GPR132: variants seen among roughly 807,000 people sequenced by gnomAD.
GPR132 encodes G protein-coupled receptor 132, also known as probable G protein-coupled receptor 132.
GPR132 carries 4 observed loss-of-function variants against 1.9 expected under a neutral mutation model. The ratio of observed to expected loss-of-function variants is 2.13; its 90% confidence interval spans 1.05 to 4.87. The LOEUF (loss-of-function observed/expected upper bound fraction) is 4.87, where lower values mean the gene tolerates loss of function less well. Among genes scored for constraint, GPR132 ranks in the 30% most tolerant of loss-of-function variants. The probability of loss-of-function intolerance (pLI) is 0.01; values close to 1 mark genes in which losing one functional copy is unlikely to be tolerated. For synonymous variants in GPR132, 233 were observed against 234.2 expected (o/e 0.99, Z 0.05); for missense variants, 404 against 512.5 (o/e 0.79, Z 2.04).
rs1010844918 is a variant in GPR132, at chr14:105,050,699, C to A, written c.*295G>T. ...TCTGCCAGCAGGCGTGCTACCTGCCCACAGCCAAGGGAGCCAGCCAGGCAG... is the reference window on the plus strand; with the variant it reads ...TCTGCCAGCAGGCGTGCTACCTGCCAACAGCCAAGGGAGCCAGCCAGGCAG... On this transcript the variant is annotated 3_prime_UTR_variant, in exon 4 of 4. Coordinates refer to ENST00000329797, the MANE Select transcript of GPR132 (RefSeq NM_013345.4). The surrounding 1 kb of genome is among the most constrained non-coding windows in gnomAD (Gnocchi z 4.0). 2.1e-6 allele frequency: 1 copy of A among 476,580 alleles called. No individual in the cohort carries two copies. The highest frequency in any genetic ancestry group is 3.8e-6 in the Non-Finnish European group (1 of 264,056). 29.5% of individuals were successfully genotyped at this position (476,580 alleles called of 1,614,324 possible). A position where few individuals can be genotyped will look rare whatever the true frequency, so the allele number is the denominator to read the frequency against.
At chr14:105,057,312 G>T in intron 1 of GPR132, 32 bp from the exon 2 acceptor site, 1 of 677,008 alleles carries the variant, frequency 1.5e-6, no homozygotes, top group Non-Finnish European at 2.6e-6. Context: ...ATTGTTTTAG[G>T]GAAATCAGAT....
rs773502721 is a variant in GPR132, at chr14:105,056,034, C to T, written c.-614G>A. 70 of 553,792 alleles carry T rather than the reference C, an allele frequency of 1.3e-4. No homozygotes were observed. Among genetic ancestry groups the T allele is most frequent in the Non-Finnish European group, 1.5e-4 (65 of 435,444 alleles). The allele number at this position is 553,792 out of a possible 1,614,324, so 34.3% of individuals were successfully genotyped here. A position where few individuals can be genotyped will look rare whatever the true frequency, so the allele number is the denominator to read the frequency against. The stretch of plus-strand genomic sequence containing the variant: ...TCCGTCTCATCTCGTGGGGTGCCTC[C>T]GCGCTGTTCTCCACGGTGGTGGCGC... On this transcript the variant is annotated 5_prime_UTR_variant, in exon 3 of 4. Transcript: ENST00000329797. The surrounding 1 kb of genome is among the most constrained non-coding windows in gnomAD (Gnocchi z 6.0).
rs2140932415 is a variant in GPR132 at position 105,056,962 on chromosome 14, G to C, written c.-747+205C>G. Among the ~76,000 whole-genome samples the C allele has an allele frequency of 6.6e-6, 1 of 152,314 alleles. No homozygotes were observed. The highest frequency in any genetic ancestry group is 1.5e-5 in the Non-Finnish European group (1 of 68,028). On this transcript the variant is annotated intron_variant, in intron 2 of 3. Transcript: ENST00000329797. The surrounding 1 kb of genome is among the most constrained non-coding windows in gnomAD (Gnocchi z 6.0). ...CAACTATGCCCTCATTCCCGTTCCT[G>C]GCTTCCCAGAACTTCACGAAAGAAT...
chr14:105,058,641 G>T (rs1282959076), intron 1 of GPR132, among the ~76,000 whole-genome samples: 1 of 152,252 alleles, frequency 6.6e-6, no homozygotes, highest in African/African-American at 2.4e-5. Context: ...TCCCCTTCTA[G>T]GAATTTTTCC....
chr14:105,051,948 A>G lies in GPR132; in HGVS notation c.189T>C (p.Thr63=), dbSNP rs775881719. The change falls in exon 4 of 4, where the codon ACT becomes ACC. Residue 63 remains threonine, a synonymous_variant. Coordinates refer to ENST00000329797, the MANE Select transcript of GPR132 (RefSeq NM_013345.4). This position sits in a 1 kb window ranked among gnomAD's most constrained non-coding sequence, Gnocchi z 8.0. ...GTACCTGCAGCAGCGCCAGCCACGC[A>G]GTCAGGCAGTTGGCCGGCACCCCCA... The part of the protein sequence containing the change: ...CTLGVPANCL[T]AWLALLQVLQ... 6.2e-7 allele frequency: 1 copy of G among 1,613,446 alleles called. No homozygotes were observed. Among genetic ancestry groups the G allele is most frequent in the Non-Finnish European group, 8.5e-7 (1 of 1,179,794 alleles).
At position 105,064,159 on chromosome 14, in the gene GPR132, G is replaced by A. The variant is rs114397032; in HGVS notation, c.-861+1220C>T. 3.2e-3 allele frequency among the ~76,000 whole-genome samples: 484 copies of A among 152,168 alleles called. 2 individuals are homozygous for A. The highest frequency in any genetic ancestry group is 0.01 in the African/African-American group (435 of 41,526). ...TGGCTGGATTGCCTGTAATTTCTAAGCTGTTTCACGGTTGCTGGCCATTCC... is the reference window on the plus strand; with the variant it reads ...TGGCTGGATTGCCTGTAATTTCTAAACTGTTTCACGGTTGCTGGCCATTCC... On this transcript the variant is annotated intron_variant, in intron 1 of 3. Coordinates refer to ENST00000329797, the MANE Select transcript of GPR132 (RefSeq NM_013345.4).
At chr14:105,054,005 T>G (rs1843668848) in intron 3 of GPR132, 20 of 1,282,036 alleles carry the variant, frequency 1.6e-5, no homozygotes, top group Non-Finnish European at 2.0e-5. Context: ...ACGCAGGGTG[T>G]GCAGTGGTGT....
intron 1 of GPR132, among the ~76,000 whole-genome samples, chr14:105,062,895 CCTCT>C (rs1434806525): frequency 1.3e-5 from 2 of 150,990 alleles, no homozygotes; most frequent in Non-Finnish European, 2.9e-5. Context: ...TAACCCTCTC[CCTCT>C]CTCTCTTGCT....
At chr14:105,053,550 C>T (rs1886709368) in intron 3 of GPR132, among the ~76,000 whole-genome samples, 1 of 152,124 alleles carries the variant, frequency 6.6e-6, no homozygotes, top group Non-Finnish European at 1.5e-5. Flanking sequence ...TGGATTTGTC[C>T]ACCTCTCCTT....
rs779506716 is a variant in GPR132 at position 105,060,146 on chromosome 14, G to A, written c.-860-2866C>T. Among the ~76,000 whole-genome samples, 3 of 152,214 alleles carry A rather than the reference G, an allele frequency of 2.0e-5. No individual in the cohort carries two copies. Among genetic ancestry groups the A allele is most frequent in the African/African-American group, 4.8e-5 (2 of 41,454 alleles). On this transcript the variant is annotated intron_variant, in intron 1 of 3. Coordinates refer to ENST00000329797, the MANE Select transcript of GPR132 (RefSeq NM_013345.4). This position sits in a 1 kb window ranked among gnomAD's most constrained non-coding sequence, Gnocchi z 6.3. ...CTGAGGGTCTTCAGACTCTCCCTCG[G>A]GTGCCTGTGTGCTGGGCGCTGCCCT... is the stretch of plus-strand genomic sequence containing the variant.
At chr14:105,058,768 G>C (rs1478001029) in intron 1 of GPR132, among the ~76,000 whole-genome samples, 1 of 152,244 alleles carries the variant, frequency 6.6e-6, no homozygotes, top group Non-Finnish European at 1.5e-5. Context: ...CATGCAGGGG[G>C]GTGGCGCAAG....
intron 3 of GPR132, chr14:105,054,382 G>A (rs1212295184): frequency 3.0e-5 from 30 of 984,970 alleles, no homozygotes; most frequent in South Asian, 1.4e-4. Flanking sequence ...AAGTCACCCC[G>A]AACGGGGTCA....
At chr14:105,061,146 C>A (rs1009803448) in intron 1 of GPR132, among the ~76,000 whole-genome samples, 1 of 152,256 alleles carries the variant, frequency 6.6e-6, no homozygotes, top group Non-Finnish European at 1.5e-5. Flanking sequence ...GCAGGGCAGC[C>A]GGAGAGCCGG....
intron 3 of GPR132, among the ~76,000 whole-genome samples, chr14:105,053,144 A>AGT: frequency 3.0e-5 from 4 of 133,776 alleles, no homozygotes; most frequent in African/African-American, 1.1e-4. Context: ...CCTAACCTGT[A>AGT]GTCTTTTTTT....
Sources: allele counts gnomAD v4.1 joint callset (sites outside exome capture counted in the v4.1 genomes callset), GRCh38; gene constraint gnomAD v4.1.1; non-coding constraint Gnocchi (gnomAD v3.1); transcripts MANE v1.5; gene names NCBI Gene and HGNC (gene_info 2026-07-23, HGNC 2026-07-21).